The following PEX14 variants were observed in gnomAD, a reference collection of about 807,000 sequenced individuals.
The protein encoded by PEX14 is peroxisomal membrane protein PEX14.
A neutral mutation model predicts 49.5 loss-of-function variants in PEX14; 15 were observed. The ratio of observed to expected loss-of-function variants is 0.30; its 90% confidence interval spans 0.20 to 0.47. PEX14 has a LOEUF of 0.47. PEX14 is among the 20% of genes least tolerant of loss of function. The pLI is 1.00. For missense variants in PEX14, 398 were observed against 494.8 expected (o/e 0.80, Z 1.86); for synonymous variants, 210 against 212.7 (o/e 0.99, Z 0.11).
intron 8 of PEX14, among the ~76,000 whole-genome samples, chr1:10,627,714 G>A (rs1641791763): frequency 6.6e-6 from 1 of 152,234 alleles, no homozygotes; most frequent in Non-Finnish European, 1.5e-5. Flanking sequence ...CTCAGTGACA[G>A]CTTTGTCCCA....
chr1:10,577,564 T>TATA (rs1640182522), intron 3 of PEX14, among the ~76,000 whole-genome samples: 3 of 2,492 alleles, frequency 1.2e-3, no homozygotes, highest in African/African-American at 1.3e-3. Flanking sequence ...ATATATATAT[T>TATA]TTTTTTTTTT....
intron 5 of PEX14, among the ~76,000 whole-genome samples, chr1:10,620,929 A>G (rs1641570745): frequency 6.6e-6 from 1 of 152,236 alleles, no homozygotes; most frequent in Admixed American, 6.5e-5. Flanking sequence ...CACGAACGCC[A>G]GAGTCCTCAG....
At chr1:10,565,881 T>C (rs1639789706) in intron 3 of PEX14, among the ~76,000 whole-genome samples, 1 of 152,246 alleles carries the variant, frequency 6.6e-6, no homozygotes, top group Non-Finnish European at 1.5e-5. Context: ...AGCACATGCC[T>C]GTAGTCCCAG....
chr1:10,534,180 C>T (rs965872026), intron 2 of PEX14, among the ~76,000 whole-genome samples: 3 of 152,212 alleles, frequency 2.0e-5, no homozygotes, highest in African/African-American at 4.8e-5. Context: ...TGCAGACTAC[C>T]GCATGATACG....
intron 1 of PEX14, among the ~76,000 whole-genome samples, chr1:10,488,798 C>T (rs1000539592): frequency 2.6e-5 from 4 of 151,584 alleles, no homozygotes; most frequent in Non-Finnish European, 5.9e-5. Flanking sequence ...CCACTGTGCT[C>T]GGCCTCTATT....
chr1:10,547,838 C>T (rs11121582), intron 3 of PEX14, among the ~76,000 whole-genome samples: 16,296 of 152,070 alleles, frequency 0.11, 958 homozygotes, highest in Non-Finnish European at 0.12. Flanking sequence ...CCTTTGTTAG[C>T]AACTGTAATG....
chr1:10,515,981 A>T (rs914034701), intron 2 of PEX14, among the ~76,000 whole-genome samples: 4 of 152,110 alleles, frequency 2.6e-5, no homozygotes, highest in Non-Finnish European at 4.4e-5. Context: ...ATGGAGTTAG[A>T]CTCAGTGGTC....
chr1:10,489,066 C>T (rs1353875918), intron 1 of PEX14, among the ~76,000 whole-genome samples: 6 of 151,940 alleles, frequency 3.9e-5, no homozygotes, highest in Middle Eastern at 3.4e-3. Flanking sequence ...CCGCAACCCC[C>T]GCCTCCTGGG....
intron 5 of PEX14, among the ~76,000 whole-genome samples, chr1:10,622,143 C>T (rs897823904): frequency 6.6e-6 from 1 of 152,192 alleles, no homozygotes; most frequent in African/African-American, 2.4e-5. Context: ...CCCTCACCTC[C>T]AAGGCAACCA....
At chr1:10,568,114 T>A (rs1359877816) in intron 3 of PEX14, among the ~76,000 whole-genome samples, 1 of 152,180 alleles carries the variant, frequency 6.6e-6, no homozygotes, top group Non-Finnish European at 1.5e-5. Context: ...TAAATAACAC[T>A]CTCCCCTCTT....
rs1640852934 is a variant in PEX14, at chr1:10,597,173, T to G, written c.170-2065T>G. 6.6e-6 allele frequency among the ~76,000 whole-genome samples: 1 copy of G among 152,250 alleles called. No homozygotes were observed. Among genetic ancestry groups the G allele is most frequent in the Non-Finnish European group, 1.5e-5 (1 of 68,050 alleles). On this transcript the variant is annotated intron_variant, in intron 3 of 8. Transcript: ENST00000356607. The surrounding 1 kb of genome is among the most constrained non-coding windows in gnomAD (Gnocchi z 5.7). ...CCAAAAGGGAAAATGAGAATGCAAC[T>G]GAATGCTCCTTTTGGGAAAATTATC...
chr1:10,546,704 G>GAA (rs764815375), intron 3 of PEX14, among the ~76,000 whole-genome samples: 1 of 131,562 alleles, frequency 7.6e-6, no homozygotes, highest in East Asian at 2.2e-4. Context: ...GTCTCTACTA[G>GAA]AAAAAAAAAA....
intron 2 of PEX14, among the ~76,000 whole-genome samples, chr1:10,503,769 T>C (rs1025413938): frequency 7.9e-5 from 12 of 152,094 alleles, no homozygotes; most frequent in African/African-American, 2.9e-4. Context: ...AGTCTTGCTC[T>C]GTTGCCCAGG....
chr1:10,511,052 G>T (rs1037274717), intron 2 of PEX14, among the ~76,000 whole-genome samples: 2 of 151,610 alleles, frequency 1.3e-5, no homozygotes, highest in Middle Eastern at 3.4e-3. Context: ...CGTAGCTGTG[G>T]TGCACCGATA....
intron 2 of PEX14, among the ~76,000 whole-genome samples, chr1:10,531,401 C>T (rs959061223): frequency 2.3e-4 from 35 of 152,194 alleles, no homozygotes; most frequent in African/African-American, 8.0e-4. Context: ...TTGGCAGTGC[C>T]TGGCTTTTTA....
chr1:10,485,071 C>A (rs1641344463), intron 1 of PEX14, among the ~76,000 whole-genome samples: 4 of 151,658 alleles, frequency 2.6e-5, no homozygotes, highest in Non-Finnish European at 5.9e-5. Context: ...ATGGGGTCAC[C>A]TTAGAGTCTG....
chr1:10,590,428 C>T (rs116822729), intron 3 of PEX14, among the ~76,000 whole-genome samples: 3,098 of 152,140 alleles, frequency 0.02, 50 homozygotes, highest in Non-Finnish European at 0.033. Flanking sequence ...TCTTTATTTT[C>T]CATGTTTTCT....
chr1:10,588,737 GTTAC>G (rs1018384898), intron 3 of PEX14, among the ~76,000 whole-genome samples: 43 of 152,186 alleles, frequency 2.8e-4, no homozygotes, highest in African/African-American at 9.4e-4. Context: ...TAAGCTCTAT[GTTAC>G]TTAATAGTGA....
At chr1:10,482,288 C>A (rs931212746) in intron 1 of PEX14, among the ~76,000 whole-genome samples, 3 of 151,878 alleles carry the variant, frequency 2.0e-5, no homozygotes, top group Non-Finnish European at 2.9e-5. Context: ...GCCACCATGC[C>A]TGGCTAATTT....
Sources: allele counts gnomAD v4.1 joint callset (sites outside exome capture counted in the v4.1 genomes callset), GRCh38; gene constraint gnomAD v4.1.1; non-coding constraint Gnocchi (gnomAD v3.1); transcripts MANE v1.5; gene names NCBI Gene and HGNC (gene_info 2026-07-23, HGNC 2026-07-21).